Variants in NELL1 observed in about 807,000 individuals in gnomAD.
NELL1 encodes the protein neural EGFL like 1.
Under a neutral mutation model 107.4 loss-of-function variants are expected in NELL1, and 76 were observed. The ratio of observed to expected loss-of-function variants is 0.71; its 90% CI spans 0.59 to 0.86. NELL1 has a LOEUF of 0.86. Ranked by LOEUF, NELL1 falls within the 40% of genes least tolerant of loss-of-function variation. NELL1 has a pLI of 0.00. For missense variants in NELL1, 1,024 were observed against 1,005.5 expected (o/e 1.02, Z -0.25); for synonymous variants, 353 against 341.2 (o/e 1.03, Z -0.38).
intron 12 of NELL1, among the ~76,000 whole-genome samples, chr11:21,018,606 C>G (rs534587240): frequency 1.3e-5 from 2 of 152,160 alleles, no homozygotes; most frequent in East Asian, 3.9e-4. Flanking sequence ...CTGTTTCTTT[C>G]AATGTGGTAG....
intron 2 of NELL1, among the ~76,000 whole-genome samples, chr11:20,752,451 A>G (rs1856162552): frequency 6.6e-6 from 1 of 152,228 alleles, no homozygotes; most frequent in Non-Finnish European, 1.5e-5. Context: ...TGGGAGGCTG[A>G]GGCAGGAGAA....
chr11:20,992,749 C>T (rs957636009), intron 12 of NELL1, among the ~76,000 whole-genome samples: 3 of 132,226 alleles, frequency 2.3e-5, no homozygotes, highest in Admixed American at 1.7e-4. Context: ...AGTTTCTCTC[C>T]TGTTACCGAG....
chr11:21,480,123 A>T (rs548702310), intron 15 of NELL1, among the ~76,000 whole-genome samples: 1 of 152,130 alleles, frequency 6.6e-6, no homozygotes, highest in Non-Finnish European at 1.5e-5. Flanking sequence ...GTGTCTCTCA[A>T]ATTTAACTAG....
chr11:21,098,959 A>AATTATTATT (rs368758404), intron 12 of NELL1, among the ~76,000 whole-genome samples: 1 of 151,594 alleles, frequency 6.6e-6, no homozygotes. Flanking sequence ...ACCTTCAGAA[A>AATTATTATT]ATTATTATTA....
chr11:20,726,446 A>G (rs1855510717), intron 2 of NELL1, among the ~76,000 whole-genome samples: 1 of 152,126 alleles, frequency 6.6e-6, no homozygotes, highest in African/African-American at 2.4e-5. Context: ...TAGCACCGGA[A>G]AAGATAACCA....
chr11:21,191,491 G>C (rs571736934), intron 13 of NELL1, among the ~76,000 whole-genome samples: 1 of 151,832 alleles, frequency 6.6e-6, no homozygotes, highest in Non-Finnish European at 1.5e-5. Context: ...GACCCATTTT[G>C]GACTTCAGAC....
At chr11:21,343,131 A>G (rs1214343270) in intron 14 of NELL1, among the ~76,000 whole-genome samples, 2 of 152,066 alleles carry the variant, frequency 1.3e-5, no homozygotes, top group Non-Finnish European at 2.9e-5. Context: ...TTCAAAATAT[A>G]AATTTGACTA....
chr11:21,564,109 A>G (rs1236479930), intron 17 of NELL1, among the ~76,000 whole-genome samples: 2 of 151,944 alleles, frequency 1.3e-5, no homozygotes, highest in Non-Finnish European at 2.9e-5. Context: ...TGGGCAGCAA[A>G]TGATCGTAAG....
chr11:21,289,075 T>G (rs1001552397), intron 14 of NELL1, among the ~76,000 whole-genome samples: 2 of 152,280 alleles, frequency 1.3e-5, no homozygotes, highest in Non-Finnish European at 2.9e-5. Context: ...AGACCAGATA[T>G]AAGAATGGGG....
In NELL1 at chr11:21,158,349, TC is replaced by T. The variant is rs556982971; in HGVS notation, c.1426+44638del. Among the ~76,000 whole-genome samples, 372 of 152,258 alleles carry T rather than the reference TC, an allele frequency of 2.4e-3. 2 individuals are homozygous for T. Among genetic ancestry groups the T allele is most frequent in the Admixed American group, 7.2e-3 (110 of 15,282 alleles). ...TGTGAGTCAATACTCCTCAATAAACTCCCTTTCATATATACCTCTATCCTAT... is the reference window on the plus strand; with the variant it reads ...TGTGAGTCAATACTCCTCAATAAACTCCTTTCATATATACCTCTATCCTAT... On this transcript the variant is annotated intron_variant, in intron 13 of 19. Coordinates refer to ENST00000357134, the MANE Select transcript of NELL1 (RefSeq NM_006157.5).
chr11:21,309,348 T>C (rs766595779), intron 14 of NELL1, among the ~76,000 whole-genome samples: 6 of 146,740 alleles, frequency 4.1e-5, no homozygotes, highest in Non-Finnish European at 6.0e-5. Flanking sequence ...GAATAAACTT[T>C]CTATCATTTC....
At chr11:21,449,908 T>C (rs940316104) in intron 15 of NELL1, among the ~76,000 whole-genome samples, 2 of 152,210 alleles carry the variant, frequency 1.3e-5, no homozygotes, top group African/African-American at 4.8e-5. Context: ...TGTTGATCTG[T>C]TTGTTCATCT....
At chr11:21,340,545 A>ATT (rs1850539142) in intron 14 of NELL1, among the ~76,000 whole-genome samples, 1 of 150,772 alleles carries the variant, frequency 6.6e-6, no homozygotes, top group African/African-American at 2.4e-5. Context: ...AAATAAGGTC[A>ATT]TTGCAGATAT....
At chr11:20,700,217 A>G (rs113472414) in intron 2 of NELL1, among the ~76,000 whole-genome samples, 1 of 152,206 alleles carries the variant, frequency 6.6e-6, no homozygotes, top group Non-Finnish European at 1.5e-5. Flanking sequence ...GCAGTGTCTC[A>G]TGTCTGTAAT....
intron 15 of NELL1, among the ~76,000 whole-genome samples, chr11:21,403,714 T>C (rs1852154360): frequency 6.6e-6 from 1 of 151,248 alleles, no homozygotes; most frequent in African/African-American, 2.4e-5. Flanking sequence ...GAGAGAGCAG[T>C]CTTTGATGGA....
intron 3 of NELL1, among the ~76,000 whole-genome samples, chr11:20,795,185 G>A (rs1857146551): frequency 6.6e-6 from 1 of 152,176 alleles, no homozygotes. Flanking sequence ...TTTAAACGAG[G>A]AGTGAACTTC....
chr11:21,382,342 T>C (rs1317023212), intron 15 of NELL1, among the ~76,000 whole-genome samples: 1 of 151,978 alleles, frequency 6.6e-6, no homozygotes, highest in African/African-American at 2.4e-5. Context: ...GTAGAAATCC[T>C]TAACAACTAT....
At chr11:20,974,016 A>G (rs1851554329) in intron 12 of NELL1, among the ~76,000 whole-genome samples, 1 of 152,232 alleles carries the variant, frequency 6.6e-6, no homozygotes, top group African/African-American at 2.4e-5. Context: ...TGAAAAAGGA[A>G]TAAGTTTACT....
intron 12 of NELL1, among the ~76,000 whole-genome samples, chr11:21,047,585 A>G (rs1853387157): frequency 6.6e-6 from 1 of 152,166 alleles, no homozygotes. Flanking sequence ...TAGAATTTCT[A>G]AATTTCTTAA....
Sources: gnomAD v4.1 joint callset for allele counts (sites outside exome capture counted in the v4.1 genomes callset) on GRCh38, gnomAD v4.1.1 for gene constraint, MANE v1.5 for transcripts, NCBI Gene and HGNC (gene_info 2026-07-23, HGNC 2026-07-21) for gene names.